MCMBP: variants seen among roughly 807,000 people sequenced by gnomAD.
MCMBP encodes the protein minichromosome maintenance complex binding protein, also known as mini-chromosome maintenance complex-binding protein.
A neutral mutation model predicts 81.3 loss-of-function variants in MCMBP; 31 were observed. The ratio of observed to expected loss-of-function variants is 0.38; its 90% CI spans 0.29 to 0.51. The LOEUF is 0.51. Among genes scored for constraint, MCMBP ranks in the 20% least tolerant of loss-of-function variants. The probability of loss-of-function intolerance (pLI) is 0.87; values close to 1 mark genes in which losing one functional copy is unlikely to be tolerated. For missense variants in MCMBP, 645 were observed against 772.1 expected (o/e 0.84, Z 1.95); for synonymous variants, 267 against 275.9 (o/e 0.97, Z 0.32).
At chr10:119,847,541 T>C in intron 8 of MCMBP, 72 bp downstream of exon 8, 3 of 855,854 alleles carry the variant, frequency 3.5e-6, no homozygotes, top group Non-Finnish European at 5.5e-6. Flanking sequence ...TTTAAAACCA[T>C]CCTGTAACTC....
intron 12 of MCMBP, 77 bp from the exon 13 acceptor site, chr10:119,837,106 G>C: frequency 1.4e-6 from 2 of 1,443,294 alleles, no homozygotes; most frequent in Middle Eastern, 3.6e-4. Flanking sequence ...CACCGATGAT[G>C]AGCCATGAAG....
intron 12 of MCMBP, among the ~76,000 whole-genome samples, chr10:119,838,004 C>A (rs1852304817): frequency 6.6e-6 from 1 of 151,884 alleles, no homozygotes; most frequent in South Asian, 2.1e-4. Context: ...GACCCTGTCT[C>A]TACCATTCCT....
rs974588966 is a variant in MCMBP at position 119,830,257 on chromosome 10, A to C, written c.*1217T>G. The C allele has an allele frequency of 2.6e-5, 4 of 152,642 alleles. No individual in the cohort carries two copies. The highest frequency in any genetic ancestry group is 1.3e-4 in the Admixed American group (2 of 15,286). The allele number at this position is 152,642 out of a possible 1,614,324, so 9.5% of individuals were successfully genotyped here. On this transcript the variant is annotated 3_prime_UTR_variant, in exon 16 of 16. Transcript: ENST00000369077. The stretch of plus-strand genomic sequence containing the variant: ...TCCTTTATCTGCCTCCAACTAGGTA[A>C]GTTATTTGATACCACTGACAGCTTA...
intron 6 of MCMBP, among the ~76,000 whole-genome samples, chr10:119,852,629 G>C (rs1370712789): frequency 6.6e-6 from 1 of 152,234 alleles, no homozygotes; most frequent in Non-Finnish European, 1.5e-5. Context: ...AATAAGCCAT[G>C]ATTATGCCAC....
chr10:119,872,469 C>A, intron 1 of MCMBP, 58 bp downstream of exon 1: 2 of 1,078,018 alleles, frequency 1.9e-6, no homozygotes, highest in Non-Finnish European at 2.3e-6. Flanking sequence ...GGGGCCCTGC[C>A]CCGGGGCCCG....
Position 119,843,435 on chromosome 10 carries a change from A to G in MCMBP, c.828-9T>C, listed in dbSNP as rs777979677. On this transcript the variant is annotated splice_polypyrimidine_tract_variant and intron_variant, in intron 8 of 15. Transcript: ENST00000369077. Reference sequence around the variant, plus strand: ...GCAGTGCAGAGGCATCCCTGTGGAGAGGTGATAAAGTTTCAATTTAGAGAG... The same window carrying G: ...GCAGTGCAGAGGCATCCCTGTGGAGGGGTGATAAAGTTTCAATTTAGAGAG... The G allele has an allele frequency of 1.2e-6, 2 of 1,606,520 alleles. No individual in the cohort carries two copies. Among genetic ancestry groups the G allele is most frequent in the Non-Finnish European group, 8.5e-7 (1 of 1,174,886 alleles).
Position 119,837,697 on chromosome 10 carries a change from T to C in MCMBP, c.1409-668A>G, listed in dbSNP as rs576233448. On this transcript the variant is annotated intron_variant, in intron 12 of 15. Transcript: ENST00000369077. ...TACTCGGGAGGCTGAGGCAGGAGAA[T>C]GGTGTGAACCCGGGAGTTGGAGGTT... is the stretch of plus-strand genomic sequence containing the variant. Among the ~76,000 whole-genome samples the C allele has an allele frequency of 9.9e-4, 150 of 152,150 alleles. 1 individual carries two copies. The highest frequency in any genetic ancestry group is 1.5e-3 in the Non-Finnish European group (105 of 67,980).
intron 7 of MCMBP, 120 bp from the exon 8 acceptor site, chr10:119,847,833 TA>T: frequency 2.0e-6 from 1 of 500,782 alleles, no homozygotes; most frequent in Non-Finnish European, 3.4e-6. Flanking sequence ...GCAAGTCCTT[TA>T]TTTTATAAAT....
At chr10:119,858,232 T>C (rs1564883801) in intron 4 of MCMBP, 1 of 152,218 alleles carries the variant, frequency 6.6e-6, no homozygotes, top group Non-Finnish European at 1.5e-5. Flanking sequence ...GCTGTCCATG[T>C]GTGACACTAC....
Position 119,831,164 on chromosome 10 carries a change from G to C in MCMBP, c.*310C>G, listed in dbSNP as rs1852019260. ...TTTCAACAGTCTGGCCTATGACTCA[G>C]CTGAAGCTAAGGAAATGGTACAATC... On this transcript the variant is annotated 3_prime_UTR_variant, in exon 16 of 16. Coordinates refer to ENST00000369077, the MANE Select transcript of MCMBP (RefSeq NM_001256378.2). The C allele has an allele frequency of 5.7e-6, 1 of 176,646 alleles. No homozygotes were observed. Among genetic ancestry groups the C allele is most frequent in the Non-Finnish European group, 1.2e-5 (1 of 84,118 alleles). The allele number at this position is 176,646 out of a possible 1,614,324, so 10.9% of individuals were successfully genotyped here. A position where few individuals can be genotyped will look rare whatever the true frequency, so the allele number is the denominator to read the frequency against.
chr10:119,867,112 G>A (rs1380142268), intron 1 of MCMBP, among the ~76,000 whole-genome samples: 3 of 151,806 alleles, frequency 2.0e-5, no homozygotes, highest in African/African-American at 7.3e-5. Flanking sequence ...GGCCAACACG[G>A]TGAAGCCCCG....
chr10:119,872,325 C>A (rs563391001), intron 1 of MCMBP, among the ~76,000 whole-genome samples: 1 of 152,154 alleles, frequency 6.6e-6, no homozygotes, highest in South Asian at 2.1e-4. Flanking sequence ...GTGGGAGGTA[C>A]CTGCGGCCCG....
At chr10:119,871,590 G>A (rs571735901) in intron 1 of MCMBP, among the ~76,000 whole-genome samples, 91 of 152,262 alleles carry the variant, frequency 6.0e-4, no homozygotes, top group African/African-American at 2.2e-3. Flanking sequence ...GGCTGCTGAG[G>A]ATGATTTAGC....
intron 1 of MCMBP, among the ~76,000 whole-genome samples, chr10:119,863,508 G>A (rs573174609): frequency 6.6e-6 from 1 of 151,768 alleles, no homozygotes; most frequent in African/African-American, 2.4e-5. Context: ...GAGGCGGGCG[G>A]ATCACCTGTC....
At chr10:119,865,882 C>T (rs1646070732) in intron 1 of MCMBP, among the ~76,000 whole-genome samples, 2 of 151,872 alleles carry the variant, frequency 1.3e-5, no homozygotes, top group Admixed American at 6.6e-5. Context: ...TTGAGTGTAG[C>T]CTGGGCAACA....
Position 119,858,461 on chromosome 10 carries a change from A to G in MCMBP, c.327+423T>C, listed in dbSNP as rs181554111. ...ACATGCCTTTCCTAGGGAATAATAT[A>G]TGACTTTTGAATCTCATCTCCGAGC... On this transcript the variant is annotated intron_variant, in intron 4 of 15. Coordinates refer to ENST00000369077, the MANE Select transcript of MCMBP (RefSeq NM_001256378.2). Among the ~76,000 whole-genome samples the G allele has an allele frequency of 1.2e-4, 19 of 152,260 alleles. No homozygotes were observed. In the East Asian group the frequency reaches 3.1e-3, roughly 25 times the overall value.
At chr10:119,866,422 TCAAGAGCAGCCTGACCAACATGGTAA>T (rs1409859231) in intron 1 of MCMBP, among the ~76,000 whole-genome samples, 1 of 152,122 alleles carries the variant, frequency 6.6e-6, no homozygotes, top group Non-Finnish European at 1.5e-5. Context: ...GATCAGGAGT[TCAAGAGCAGCCTGACCAACATGGTAA>T]AACTCCGTCT....
chr10:119,871,807 A>C (rs1364068629), intron 1 of MCMBP, among the ~76,000 whole-genome samples: 2 of 152,182 alleles, frequency 1.3e-5, no homozygotes, highest in Non-Finnish European at 2.9e-5. Flanking sequence ...CAACAAATAT[A>C]AACTTTTCTT....
intron 5 of MCMBP, among the ~76,000 whole-genome samples, chr10:119,854,604 C>G (rs966020517): frequency 3.3e-5 from 5 of 151,142 alleles, no homozygotes; most frequent in South Asian, 4.2e-4. Context: ...GAATAAAAGA[C>G]ATTTTCAATT....
Sources: gnomAD v4.1 joint callset for allele counts (sites outside exome capture counted in the v4.1 genomes callset) on GRCh38, gnomAD v4.1.1 for gene constraint, MANE v1.5 for transcripts, NCBI Gene and HGNC (gene_info 2026-07-23, HGNC 2026-07-21) for gene names.